The following OGA variants were observed in gnomAD, a reference collection of about 807,000 sequenced individuals.
OGA encodes protein O-GlcNAcase.
Under a neutral mutation model 102.0 loss-of-function variants are expected in OGA, and 21 were observed. The ratio of observed to expected loss-of-function variants is 0.21; its 90% CI spans 0.15 to 0.30. OGA has a LOEUF of 0.30. Among genes scored for constraint, OGA ranks in the 10% least tolerant of loss-of-function variants. The probability of loss-of-function intolerance (pLI) is 1.00; values close to 1 mark genes in which losing one functional copy is unlikely to be tolerated. For missense variants in OGA, 765 were observed against 1,107.8 expected (o/e 0.69, Z 4.39); for synonymous variants, 408 against 378.2 (o/e 1.08, Z -0.91).
rs146281213 is a variant in OGA at position 101,811,472 on chromosome 10, G to T, written c.350-1158C>A. 4.2e-4 allele frequency among the ~76,000 whole-genome samples: 62 copies of T among 146,460 alleles called. 1 individual carries two copies. The highest frequency in any genetic ancestry group is 1.4e-3 in the African/African-American group (57 of 39,840). On this transcript the variant is annotated intron_variant, in intron 3 of 15. Coordinates refer to ENST00000361464, the MANE Select transcript of OGA (RefSeq NM_012215.5). The stretch of plus-strand genomic sequence containing the variant: ...AATCCCAGCACTTTGAGAGGCCACG[G>T]CAAGTTGACTGCTTGAGTTCAGGAG...
chr10:101,809,037 C>T (rs1459690679), intron 4 of OGA, among the ~76,000 whole-genome samples: 9 of 152,124 alleles, frequency 5.9e-5, no homozygotes, highest in Admixed American at 5.9e-4. Context: ...TTACATTAAG[C>T]AGACTTTACA....
At chr10:101,798,772 G>A (rs2065352260) in intron 9 of OGA, 70 bp downstream of exon 9, 1 of 1,513,316 alleles carries the variant, frequency 6.6e-7, no homozygotes, top group Non-Finnish European at 8.9e-7. Flanking sequence ...ACTCATTTAA[G>A]AACCTTTTCC....
chr10:101,786,429 C>A lies in OGA; in HGVS notation c.*22G>T. The stretch of plus-strand genomic sequence containing the variant: ...AAGGTGCAGTTAAGAGACTTTTGGA[C>A]AGTTCACAGTGTCAACAAATGTCAC... On this transcript the variant is annotated 3_prime_UTR_variant, in exon 16 of 16. Coordinates refer to ENST00000361464, the MANE Select transcript of OGA (RefSeq NM_012215.5). 6.3e-7 allele frequency: 1 copy of A among 1,581,006 alleles called. No individual in the cohort carries two copies. Among genetic ancestry groups the A allele is most frequent in the Admixed American group, 1.8e-5 (1 of 54,074 alleles).
At chr10:101,787,293 T>G in intron 15 of OGA, 71 bp downstream of exon 15, 1 of 1,427,672 alleles carries the variant, frequency 7.0e-7, no homozygotes, top group Non-Finnish European at 9.4e-7. Context: ...TTCTTTCCTT[T>G]TATATCCAAA....
intron 12 of OGA, among the ~76,000 whole-genome samples, chr10:101,792,020 ATT>A (rs1464757349): frequency 6.8e-6 from 1 of 146,948 alleles, no homozygotes. Flanking sequence ...ATTATTTATT[ATT>A]TTTTTTTTTT....
chr10:101,786,174 C>T lies in OGA; in HGVS notation c.*277G>A, dbSNP rs2065188420. 1 of 262,966 alleles carries T rather than the reference C, an allele frequency of 3.8e-6. No homozygotes were observed. Among genetic ancestry groups the T allele is most frequent in the African/African-American group, 2.2e-5 (1 of 45,292 alleles). 16.3% of individuals were successfully genotyped at this position (262,966 alleles called of 1,614,324 possible). On this transcript the variant is annotated 3_prime_UTR_variant, in exon 16 of 16. Coordinates refer to ENST00000361464, the MANE Select transcript of OGA (RefSeq NM_012215.5). ...TGACTACATTTATTGAAGACTCTCTCCCTGTATAAGCCCATGTAAAAGGTC... is the reference window on the plus strand; with the variant it reads ...TGACTACATTTATTGAAGACTCTCTTCCTGTATAAGCCCATGTAAAAGGTC...
chr10:101,795,287 T>C (rs960667174), intron 10 of OGA, among the ~76,000 whole-genome samples: 2 of 152,218 alleles, frequency 1.3e-5, no homozygotes, highest in African/African-American at 2.4e-5. Flanking sequence ...CGAAGAGCTG[T>C]GTAAATGAAA....
At chr10:101,807,700 A>G in intron 5 of OGA, 30 bp downstream of exon 5, 2 of 1,433,230 alleles carry the variant, frequency 1.4e-6, no homozygotes, top group Non-Finnish European at 1.9e-6. Flanking sequence ...CAAGAAGACT[A>G]GTTAAATGTA....
chr10:101,785,396 T>G lies in OGA; in HGVS notation c.*1055A>C, dbSNP rs2065182124. 3 of 152,634 alleles carry G rather than the reference T, an allele frequency of 2.0e-5. No individual in the cohort carries two copies. The highest frequency in any genetic ancestry group is 2.0e-4 in the Admixed American group (3 of 15,290). 9.5% of individuals were successfully genotyped at this position (152,634 alleles called of 1,614,324 possible). A position where few individuals can be genotyped will look rare whatever the true frequency, so the allele number is the denominator to read the frequency against. On this transcript the variant is annotated 3_prime_UTR_variant, in exon 16 of 16. Transcript: ENST00000361464. ...AATCAGTAGTAACAGGTCTTGAGAT[T>G]AAACAACTGACCTGAGGGCAAATGG...
At chr10:101,812,231 C>T (rs767835410) in intron 3 of OGA, among the ~76,000 whole-genome samples, 2 of 152,094 alleles carry the variant, frequency 1.3e-5, no homozygotes, top group Non-Finnish European at 2.9e-5. Context: ...ATGTAACCAA[C>T]TCAACGTTAA....
At chr10:101,787,036 C>CTT (rs77806430) in intron 15 of OGA, among the ~76,000 whole-genome samples, 9 of 140,068 alleles carry the variant, frequency 6.4e-5, no homozygotes, top group African/African-American at 1.6e-4. Flanking sequence ...CGTGCCCGGC[C>CTT]TTTTTTTTTT....
At chr10:101,792,007 T>G (rs534349706) in intron 12 of OGA, among the ~76,000 whole-genome samples, 6 of 150,780 alleles carry the variant, frequency 4.0e-5, no homozygotes, top group African/African-American at 1.5e-4. Flanking sequence ...AGTATTATTT[T>G]TTATTATTTA....
intron 4 of OGA, among the ~76,000 whole-genome samples, chr10:101,809,929 G>C (rs2065530937): frequency 6.6e-6 from 1 of 151,782 alleles, no homozygotes; most frequent in South Asian, 2.1e-4. Flanking sequence ...TATAGTCCCA[G>C]CTACTCGGGA....
chr10:101,811,388 C>A (rs1484563965), intron 3 of OGA, among the ~76,000 whole-genome samples: 1 of 43,428 alleles, frequency 2.3e-5, no homozygotes, highest in Non-Finnish European at 4.0e-5. Context: ...GACTCCATCT[C>A]AAAAAATGAA....
At chr10:101,803,583 G>T in intron 7 of OGA, 152 bp downstream of exon 7, 1 of 785,332 alleles carries the variant, frequency 1.3e-6, no homozygotes, top group Non-Finnish European at 2.0e-6. Context: ...AAACCACTTG[G>T]TTTTGTTTCC....
chr10:101,818,251 G>A lies in OGA; in HGVS notation c.-229C>T. 5 of 1,321,264 alleles carry A rather than the reference G, an allele frequency of 3.8e-6. No homozygotes were observed. Among genetic ancestry groups the A allele is most frequent in the Non-Finnish European group, 4.8e-6 (5 of 1,037,794 alleles). 81.8% of individuals were successfully genotyped at this position (1,321,264 alleles called of 1,614,324 possible). On this transcript the variant is annotated 5_prime_UTR_variant, in exon 1 of 16. Coordinates refer to ENST00000361464, the MANE Select transcript of OGA (RefSeq NM_012215.5). The stretch of plus-strand genomic sequence containing the variant: ...TTGTCAGCCGCAGCCTCGGCTTTAA[G>A]CTGGGGCGCCAGAAGCCTAAGCGGA...
chr10:101,787,118 G>T (rs1414286895), intron 15 of OGA, among the ~76,000 whole-genome samples: 2 of 150,480 alleles, frequency 1.3e-5, no homozygotes, highest in Admixed American at 1.3e-4. Flanking sequence ...CTGGACTCAA[G>T]TGATCCTCCC....
At position 101,800,155 on chromosome 10, in the gene OGA, G is replaced by A. The variant is rs1270282487; in HGVS notation, c.1195+87C>T. 5.6e-6 allele frequency: 8 copies of A among 1,439,828 alleles called. No individual in the cohort carries two copies. The East Asian group carries it at 1.2e-4, about 21-fold the overall frequency. The allele number at this position is 1,439,828 out of a possible 1,614,324, so 89.2% of individuals were successfully genotyped here. On this transcript the variant is annotated intron_variant, in intron 8 of 15. Coordinates refer to ENST00000361464, the MANE Select transcript of OGA (RefSeq NM_012215.5). Reference sequence around the variant, plus strand: ...CCCAAAGTGCTGAGATTACAGGTGTGAGCCACCACACCCGGGAGACAGTGT... The same window carrying A: ...CCCAAAGTGCTGAGATTACAGGTGTAAGCCACCACACCCGGGAGACAGTGT...
At chr10:101,789,701 CA>C (rs2065234054) in intron 14 of OGA, among the ~76,000 whole-genome samples, 1 of 152,088 alleles carries the variant, frequency 6.6e-6, no homozygotes, top group Non-Finnish European at 1.5e-5. Context: ...TGGCCAGGCA[CA>C]GTGGCTCGTG....
Sources: gnomAD v4.1 joint callset for allele counts (sites outside exome capture counted in the v4.1 genomes callset) on GRCh38, gnomAD v4.1.1 for gene constraint, MANE v1.5 for transcripts, NCBI Gene and HGNC (gene_info 2026-07-23, HGNC 2026-07-21) for gene names.